FRAS1: variants seen among roughly 807,000 people sequenced by gnomAD.
The protein encoded by FRAS1 is extracellular matrix organizing protein FRAS1.
In FRAS1, 290 loss-of-function variants were observed where a neutral mutation model predicts 435.2. The observed-to-expected ratio is 0.67, with a 90% confidence interval of 0.61 to 0.73. FRAS1 has a LOEUF of 0.73. Among genes scored for constraint, FRAS1 ranks in the 30% least tolerant of loss-of-function variants. FRAS1 has a pLI of 0.00. For missense variants in FRAS1, 4,860 were observed against 5,001.5 expected, an observed-to-expected ratio of 0.97 and a Z score of 0.85; for synonymous variants, 1,800 against 1,851.0, an observed-to-expected ratio of 0.97 and a Z score of 0.71.
intron 2 of FRAS1, among the ~76,000 whole-genome samples, chr4:78,222,647 G>GA (rs1279982580): frequency 6.6e-6 from 1 of 152,162 alleles, no homozygotes; most frequent in African/African-American, 2.4e-5. Flanking sequence ...AAATATCTCT[G>GA]ACGCGCCATT....
chr4:78,191,660 T>C (rs1722539640), intron 2 of FRAS1, among the ~76,000 whole-genome samples: 1 of 152,026 alleles, frequency 6.6e-6, no homozygotes, highest in African/African-American at 2.4e-5. Flanking sequence ...CATTTAGCAT[T>C]AGGTATATCT....
intron 2 of FRAS1, among the ~76,000 whole-genome samples, chr4:78,105,989 A>T (rs1436121527): frequency 2.2e-5 from 3 of 134,314 alleles, no homozygotes; most frequent in African/African-American, 5.8e-5. Flanking sequence ...GGGGTGACGG[A>T]TGCACCTGGA....
chr4:78,317,395 C>T lies in FRAS1; in HGVS notation c.1847C>T (p.Ser616Phe). Residue 616 changes from serine to phenylalanine, a missense_variant, in exon 17 of 74, where the codon TCT becomes TTT. By Grantham distance (155) the Ser-to-Phe change is radical. Transcript: ENST00000512123. ...TGTCATAACTCATGTGCCAGCTGCT[C>T]TGGGCCCACACCCTCTCACTGTACA... ...KVCHNSCASC[S>F]GPTPSHCTAC... is the part of the protein sequence containing the mutation. 2 of 1,613,884 alleles carry T rather than the reference C, an allele frequency of 1.2e-6. No individual in the cohort carries two copies. The highest frequency in any genetic ancestry group is 1.7e-6 in the Non-Finnish European group (2 of 1,179,834).
chr4:78,362,370 G>A (rs1731103110), intron 20 of FRAS1, among the ~76,000 whole-genome samples: 2 of 152,228 alleles, frequency 1.3e-5, no homozygotes, highest in South Asian at 4.1e-4. Context: ...CAGCTTGTTT[G>A]CCGGACTCAT....
At chr4:78,493,543 A>G (rs1720426699) in intron 59 of FRAS1, among the ~76,000 whole-genome samples, 1 of 152,144 alleles carries the variant, frequency 6.6e-6, no homozygotes, top group African/African-American at 2.4e-5. Flanking sequence ...TTCTCAGCAA[A>G]CTAACACAGA....
rs752217673 is a variant in FRAS1, at chr4:78,372,788, T to C, written c.2940T>C (p.Tyr980=). The change falls in exon 24 of 74, where the codon TAT becomes TAC. Residue 980 remains tyrosine (Y), a synonymous_variant. Coordinates refer to ENST00000512123, the MANE Select transcript of FRAS1 (RefSeq NM_025074.7). ...KTDCLQCMDG[Y]VLQDGACVEQ... is the part of the protein sequence containing the mutation. ...ACTGCCTGCAGTGCATGGATGGCTA[T>C]GTTCTCCAGGATGGGGCCTGCGTGG... The C allele has an allele frequency of 6.2e-7, 1 of 1,613,232 alleles. No individual in the cohort carries two copies.
intron 19 of FRAS1, among the ~76,000 whole-genome samples, chr4:78,334,363 CTTTTTTTTTTTTTTTTTTTT>C (rs1007481617): frequency 1.1e-5 from 1 of 92,270 alleles, no homozygotes; most frequent in African/African-American, 4.5e-5. Flanking sequence ...AACCAATTTT[CTTTTTTTTTTTTTTTTTTTT>C]TTTTTTGAGA....
rs2109857705 is a variant in FRAS1 at position 78,479,621 on chromosome 4, T to C, written c.8346T>C (p.Ile2782=). 3 of 1,613,912 alleles carry C rather than the reference T, an allele frequency of 1.9e-6. No homozygotes were observed. The highest frequency in any genetic ancestry group is 2.5e-6 in the Non-Finnish European group (3 of 1,179,808). ...ALADASDNAR[I]GRVATAKVLI... The stretch of plus-strand genomic sequence containing the variant: ...CAGATGCCTCTGACAATGCCCGCAT[T>C]GGAAGGGTGGCGACAGCCAAGGTGC... Residue 2782 remains isoleucine (I), a synonymous_variant, in exon 56 of 74, where the codon ATT becomes ATC. Transcript: ENST00000512123.
rs191121672 is a variant in FRAS1 at position 78,368,671 on chromosome 4, G to A, written c.2723-1167G>A. Among the ~76,000 whole-genome samples the A allele has an allele frequency of 1.9e-3, 294 of 152,236 alleles. 3 individuals carry two copies. Among genetic ancestry groups the A allele is most frequent in the African/African-American group, 6.3e-3 (262 of 41,546 alleles). ...TGTTAATCAAATAATCACTCAAATGGAAATTGCTATACATGGCATGAAAAA... is the reference window on the plus strand; with the variant it reads ...TGTTAATCAAATAATCACTCAAATGAAAATTGCTATACATGGCATGAAAAA... On this transcript the variant is annotated intron_variant, in intron 22 of 73. Coordinates refer to ENST00000512123, the MANE Select transcript of FRAS1 (RefSeq NM_025074.7).
intron 15 of FRAS1, among the ~76,000 whole-genome samples, chr4:78,314,753 C>G (rs1335698774): frequency 6.6e-6 from 1 of 152,186 alleles, no homozygotes; most frequent in Non-Finnish European, 1.5e-5. Context: ...GCTGCCTCAG[C>G]CTGGAGTACA....
At chr4:78,181,617 C>G in intron 2 of FRAS1, 1 of 1,610,682 alleles carries the variant, frequency 6.2e-7, no homozygotes. Flanking sequence ...TCACCCTTTT[C>G]TTCAAGTGGC....
chr4:78,310,693 A>G (rs895794972), intron 15 of FRAS1, among the ~76,000 whole-genome samples: 6 of 152,272 alleles, frequency 3.9e-5, no homozygotes, highest in Admixed American at 2.6e-4. Context: ...GTTTGTTTCA[A>G]AATGACTTCA....
chr4:78,465,396 A>G (rs1209723023), intron 49 of FRAS1, among the ~76,000 whole-genome samples: 1 of 152,222 alleles, frequency 6.6e-6, no homozygotes. Context: ...ATAAAGGGAG[A>G]TGAGGGAGAT....
chr4:78,402,274 T>C (rs1732923346), intron 30 of FRAS1, among the ~76,000 whole-genome samples: 1 of 152,166 alleles, frequency 6.6e-6, no homozygotes. Flanking sequence ...AATCTGTTTT[T>C]CCTCTAGGCT....
chr4:78,511,868 T>C (rs915015450), intron 64 of FRAS1, among the ~76,000 whole-genome samples: 3 of 152,172 alleles, frequency 2.0e-5, no homozygotes, highest in African/African-American at 7.2e-5. Context: ...CTGCATGGCA[T>C]CTCTTCTAGG....
rs191398099 is a variant in FRAS1, at chr4:78,135,005, A to C, written c.108+68989A>C. On this transcript the variant is annotated intron_variant, in intron 2 of 73. Coordinates refer to ENST00000512123, the MANE Select transcript of FRAS1 (RefSeq NM_025074.7). ...CCGAATCCTGACAGTCTCAAAGGACAATTGCATGCTGGTAGGGTTTAATTG... is the reference window on the plus strand; with the variant it reads ...CCGAATCCTGACAGTCTCAAAGGACCATTGCATGCTGGTAGGGTTTAATTG... Among the ~76,000 whole-genome samples, 93 of 152,256 alleles carry C rather than the reference A, an allele frequency of 6.1e-4. 1 individual carries two copies. The highest frequency in any genetic ancestry group is 3.4e-3 in the Middle Eastern group (1 of 294).
At chr4:78,336,779 C>T (rs549133287) in intron 19 of FRAS1, among the ~76,000 whole-genome samples, 1 of 152,210 alleles carries the variant, frequency 6.6e-6, no homozygotes, top group Non-Finnish European at 1.5e-5. Flanking sequence ...AAAATCTACC[C>T]AGCTCCAGCC....
At chr4:78,169,287 G>T (rs1424611699) in intron 2 of FRAS1, among the ~76,000 whole-genome samples, 1 of 151,972 alleles carries the variant, frequency 6.6e-6, no homozygotes, top group African/African-American at 2.4e-5. Context: ...ATTACTTCTG[G>T]CAAATTGTTT....
chr4:78,303,233 C>G (rs1022796307), intron 14 of FRAS1, among the ~76,000 whole-genome samples: 5 of 152,000 alleles, frequency 3.3e-5, no homozygotes, highest in Non-Finnish European at 7.4e-5. Flanking sequence ...GTTTTGGTAC[C>G]AGTACCATGC....
Sources: gnomAD v4.1 joint callset for allele counts (sites outside exome capture counted in the v4.1 genomes callset) on GRCh38, gnomAD v4.1.1 for gene constraint, MANE v1.5 for transcripts, NCBI Gene and HGNC (gene_info 2026-07-23, HGNC 2026-07-21) for gene names.